Variants in TRIM26 observed in about 807,000 individuals in gnomAD.
TRIM26 encodes the protein tripartite motif-containing protein 26.
A neutral mutation model predicts 45.5 loss-of-function variants in TRIM26; 16 were observed. That is an observed-to-expected ratio of 0.35 (90% confidence interval 0.24 to 0.53). The LOEUF (loss-of-function observed/expected upper bound fraction) is 0.53, where lower values mean the gene tolerates loss of function less well. TRIM26 is among the 20% of genes least tolerant of loss of function. The pLI, the probability that TRIM26 is intolerant of heterozygous loss-of-function variation, is 0.92. For synonymous variants in TRIM26, 273 were observed against 290.4 expected (o/e 0.94, Z 0.61); for missense variants, 442 against 691.1 (o/e 0.64, Z 4.04).
In TRIM26 at chr6:30,189,326, A is replaced by G; in HGVS notation, c.904+92T>C. ...ACAAGAGGCCCTCAGAAGAGTGAGG[A>G]TCGACAAGGTGATGGAAAGGAGCTG... On this transcript the variant is annotated intron_variant, in intron 8 of 9. Coordinates refer to ENST00000454678, the MANE Select transcript of TRIM26 (RefSeq NM_003449.5). This position sits in a 1 kb window ranked among gnomAD's most constrained non-coding sequence, Gnocchi z 5.0. 3 of 1,567,824 alleles carry G rather than the reference A, an allele frequency of 1.9e-6. No homozygotes were observed. Among genetic ancestry groups the G allele is most frequent in the African/African-American group, 2.7e-5 (2 of 73,992 alleles).
At chr6:30,191,515 G>A (rs561469845) in intron 6 of TRIM26, among the ~76,000 whole-genome samples, 16 of 145,432 alleles carry the variant, frequency 1.1e-4, no homozygotes, top group South Asian at 8.5e-4. Flanking sequence ...ATCATACTAC[G>A]TGAGTGATAC....
chr6:30,196,493 C>G lies in TRIM26; in HGVS notation c.765+23G>C. On this transcript the variant is annotated intron_variant, in intron 6 of 9. Coordinates refer to ENST00000454678, the MANE Select transcript of TRIM26 (RefSeq NM_003449.5). The surrounding 1 kb of genome is among the most constrained non-coding windows in gnomAD (Gnocchi z 4.9). ...GACCCACCGTCCTGGTCCCTGGCGC[C>G]CTGCCCAGGGACGGCCTCTCACCTG... 1.3e-6 allele frequency: 2 copies of G among 1,598,608 alleles called. No homozygotes were observed. The highest frequency in any genetic ancestry group is 1.7e-6 in the Non-Finnish European group (2 of 1,176,218).
At chr6:30,191,248 G>A (rs1775802461) in intron 6 of TRIM26, among the ~76,000 whole-genome samples, 1 of 152,068 alleles carries the variant, frequency 6.6e-6, no homozygotes, top group African/African-American at 2.4e-5. Context: ...TGAGTGGGAA[G>A]AGGGCTATTC....
At chr6:30,201,270 A>G (rs1230667988) in intron 2 of TRIM26, 132 bp from the exon 3 acceptor site, 1 of 152,274 alleles carries the variant, frequency 6.6e-6, no homozygotes, top group East Asian at 1.9e-4. Flanking sequence ...AAGACCCAAG[A>G]GTAAACAAAA....
chr6:30,190,866 TA>T lies in TRIM26; in HGVS notation c.766-832del, dbSNP rs1178280722. On this transcript the variant is annotated intron_variant, in intron 6 of 9. Coordinates refer to ENST00000454678, the MANE Select transcript of TRIM26 (RefSeq NM_003449.5). The surrounding 1 kb of genome is among the most constrained non-coding windows in gnomAD (Gnocchi z 4.3). ...TTATGTACAGCTACTGTGATAGCTC[TA>T]GACCCTGCACCTCTGAACTGTTAAC... Among the ~76,000 whole-genome samples, 2 of 152,186 alleles carry T rather than the reference TA, an allele frequency of 1.3e-5. No homozygotes were observed. Among genetic ancestry groups the T allele is most frequent in the Non-Finnish European group, 2.9e-5 (2 of 68,034 alleles).
intron 6 of TRIM26, among the ~76,000 whole-genome samples, chr6:30,193,160 G>GTATA (rs1343167817): frequency 5.7e-4 from 19 of 33,164 alleles, no homozygotes; most frequent in Middle Eastern, 0.024. Context: ...GTGTGTGTGT[G>GTATA]TGTATATATA....
intron 1 of TRIM26, among the ~76,000 whole-genome samples, chr6:30,206,447 G>C (rs1777733128): frequency 6.6e-6 from 1 of 152,272 alleles, no homozygotes; most frequent in Non-Finnish European, 1.5e-5. Context: ...AAGAGGGGCA[G>C]GAGGTAGCAG....
chr6:30,195,002 TA>T (rs1261128125), intron 6 of TRIM26, among the ~76,000 whole-genome samples: 17 of 152,076 alleles, frequency 1.1e-4, no homozygotes, highest in Non-Finnish European at 1.5e-5. Context: ...CCAGTACCAA[TA>T]ACATTTCCTA....
At chr6:30,205,242 C>T (rs1292793946) in intron 1 of TRIM26, among the ~76,000 whole-genome samples, 1 of 151,922 alleles carries the variant, frequency 6.6e-6, no homozygotes, top group African/African-American at 2.4e-5. Context: ...AACTCCATCT[C>T]AAAAAATAAA....
intron 1 of TRIM26, among the ~76,000 whole-genome samples, chr6:30,211,529 C>T (rs895985530): frequency 3.3e-5 from 5 of 152,160 alleles, no homozygotes; most frequent in Admixed American, 6.5e-5. Context: ...CTGTTACTCC[C>T]CTGCAGGAAG....
chr6:30,192,184 C>T (rs1775918330), intron 6 of TRIM26, among the ~76,000 whole-genome samples: 1 of 152,206 alleles, frequency 6.6e-6, no homozygotes, highest in Non-Finnish European at 1.5e-5. Context: ...TCACCCAAGA[C>T]ATCTGAAGCT....
In TRIM26 at chr6:30,198,678, G is replaced by C. The variant is rs1189818743; in HGVS notation, c.426C>G (p.Ala142=). 6 of 1,604,604 alleles carry C rather than the reference G, an allele frequency of 3.7e-6. No homozygotes were observed. Among genetic ancestry groups the C allele is most frequent in the Non-Finnish European group, 4.2e-6 (5 of 1,178,520 alleles). The change falls in exon 4 of 10, where the codon GCC becomes GCG. Residue 142 remains alanine, a synonymous_variant. Transcript: ENST00000454678. This position sits in a 1 kb window ranked among gnomAD's most constrained non-coding sequence, Gnocchi z 6.3. ...GAAGAGGGCTTACCCTGTGGGGCTGGGCGGCCTTCTCCATGAGGACGGCCG... is the reference window on the plus strand; with the variant it reads ...GAAGAGGGCTTACCCTGTGGGGCTGCGCGGCCTTCTCCATGAGGACGGCCG... The part of the protein sequence containing the change: ...PHTAVLMEKA[A]QPHREKILNH...
chr6:30,191,950 C>A (rs565677638), intron 6 of TRIM26, among the ~76,000 whole-genome samples: 80 of 152,332 alleles, frequency 5.3e-4, no homozygotes, highest in Middle Eastern at 3.4e-3. Context: ...TATTTCCTGA[C>A]ATGGAAGTTC....
rs755253221 is a variant in TRIM26, at chr6:30,199,197, G to A, written c.-94C>T. On this transcript the variant is annotated 5_prime_UTR_variant, in exon 4 of 10. Coordinates refer to ENST00000454678, the MANE Select transcript of TRIM26 (RefSeq NM_003449.5). ...AGTCAGGAGCAAGCACAGTAAAGGG[G>A]CAAAGGTGGCAGCCTGCACAGGGCT... is the stretch of plus-strand genomic sequence containing the variant. 7.6e-7 allele frequency: 1 copy of A among 1,310,370 alleles called. No individual in the cohort carries two copies. Among genetic ancestry groups the A allele is most frequent in the South Asian group, 1.6e-5 (1 of 64,458 alleles). The allele number at this position is 1,310,370 out of a possible 1,614,324, so 81.2% of individuals were successfully genotyped here. A position where few individuals can be genotyped will look rare whatever the true frequency, so the allele number is the denominator to read the frequency against.
In TRIM26 at chr6:30,185,355, T is replaced by G; in HGVS notation, c.*521A>C. The G allele has an allele frequency of 1.9e-5, 3 of 153,942 alleles. No individual in the cohort carries two copies. Among genetic ancestry groups the G allele is most frequent in the East Asian group, 1.9e-4 (1 of 5,210 alleles). The allele number at this position is 153,942 out of a possible 1,614,324, so 9.5% of individuals were successfully genotyped here. On this transcript the variant is annotated 3_prime_UTR_variant, in exon 10 of 10. Transcript: ENST00000454678. This position sits in a 1 kb window ranked among gnomAD's most constrained non-coding sequence, Gnocchi z 5.7. ...AAATGGCCTGGGAAGCCTCAGTGGA[T>G]TTTGTTTATTTTCAGCATTGCCATG...
chr6:30,190,376 G>A lies in TRIM26; in HGVS notation c.766-341C>T, dbSNP rs142186609. The stretch of plus-strand genomic sequence containing the variant: ...GTGAGAACGGCAGAGGCCAGACTGC[G>A]CAGGGCTGGATATGCATGGTAAGGA... On this transcript the variant is annotated intron_variant, in intron 6 of 9. Transcript: ENST00000454678. The surrounding 1 kb of genome is among the most constrained non-coding windows in gnomAD (Gnocchi z 4.3). The A allele has an allele frequency of 7.9e-3, 3,272 of 415,038 alleles. 47 individuals carry two copies. The highest frequency in any genetic ancestry group is 0.031 in the Middle Eastern group (44 of 1,406). 25.7% of individuals were successfully genotyped at this position (415,038 alleles called of 1,614,324 possible). A position where few individuals can be genotyped will look rare whatever the true frequency, so the allele number is the denominator to read the frequency against.
At position 30,195,177 on chromosome 6, in the gene TRIM26, A is replaced by G. The variant is rs146398583; in HGVS notation, c.765+1339T>C. 1.6e-3 allele frequency among the ~76,000 whole-genome samples: 247 copies of G among 152,068 alleles called. 2 individuals are homozygous for G. The highest frequency in any genetic ancestry group is 5.8e-3 in the African/African-American group (241 of 41,480). ...AAAGGCACCCCTCCGGGCAAACACA[A>G]TGGATTTCAGCCCCACCACATCCTC... is the stretch of plus-strand genomic sequence containing the variant. On this transcript the variant is annotated intron_variant, in intron 6 of 9. Transcript: ENST00000454678.
chr6:30,195,396 A>T (rs1776356421), intron 6 of TRIM26, among the ~76,000 whole-genome samples: 1 of 152,132 alleles, frequency 6.6e-6, no homozygotes, highest in African/African-American at 2.4e-5. Flanking sequence ...ACAAAATAAG[A>T]ACAAGAGCTC....
intron 6 of TRIM26, among the ~76,000 whole-genome samples, chr6:30,194,728 G>A (rs2517615): frequency 0.1 from 15,825 of 152,042 alleles, 999 homozygotes; most frequent in Non-Finnish European, 0.14. Flanking sequence ...GGTGATGTGC[G>A]CCTGTAATCC....
Sources: allele counts gnomAD v4.1 joint callset (sites outside exome capture counted in the v4.1 genomes callset), GRCh38; gene constraint gnomAD v4.1.1; non-coding constraint Gnocchi (gnomAD v3.1); transcripts MANE v1.5; gene names NCBI Gene and HGNC (gene_info 2026-07-23, HGNC 2026-07-21).